CERS5: variants seen among roughly 807,000 people sequenced by gnomAD.
The protein encoded by CERS5 is ceramide synthase 5, also known as LAG1 homolog, ceramide synthase 5.
In CERS5, 37 loss-of-function variants were observed where a neutral mutation model predicts 58.9. The observed-to-expected ratio is 0.63, with a 90% CI of 0.48 to 0.83. CERS5 has a LOEUF of 0.83. CERS5 is among the 40% of genes least tolerant of loss of function. CERS5 has a pLI of 0.00. For missense variants in CERS5, 398 were observed against 489.3 expected (o/e 0.81, Z 1.76); for synonymous variants, 147 against 177.8 (o/e 0.83, Z 1.38).
Position 50,143,128 on chromosome 12 carries a change from C to T in CERS5, c.380G>A (p.Arg127His), listed in dbSNP as rs547919626. ...WNVRKIQCWF[R>H]HRRNQDKPPT... ...GGGCTTGTCCTGATTCCTCCGATGG[C>T]GAAACCAGCATTGGATTTTTCGGAC... Residue 127 changes from arginine (R) to histidine (H), a missense_variant, in exon 3 of 10, where the codon CGC (arginine) becomes CAC (histidine). By Grantham distance (29) the Arg-to-His change is conservative (BLOSUM62 0). Around this residue, in one of 3 missense-constraint regions of CERS5, gnomAD observed 328 missense variants for 384.5 expected, o/e 0.85. Transcript: ENST00000317551. 1.7e-5 allele frequency: 28 copies of T among 1,613,872 alleles called. No homozygotes were observed. The highest frequency in any genetic ancestry group is 1.7e-4 in the Middle Eastern group (1 of 6,058).
intron 1 of CERS5, among the ~76,000 whole-genome samples, chr12:50,148,931 T>A (rs200383035): frequency 1.7e-4 from 15 of 89,260 alleles, no homozygotes; most frequent in African/African-American, 4.1e-4. Context: ...AAAAAAAATA[T>A]ATATATATAT....
intron 1 of CERS5, among the ~76,000 whole-genome samples, chr12:50,150,514 T>G (rs75915854): frequency 0.012 from 1,806 of 152,090 alleles, 30 homozygotes; most frequent in African/African-American, 0.032. Flanking sequence ...GATATATATA[T>G]AGAGAGAAAG....
At chr12:50,147,266 G>C (rs866082425) in intron 1 of CERS5, 2 of 152,160 alleles carry the variant, frequency 1.3e-5, no homozygotes. Flanking sequence ...AGACAGGCGT[G>C]GTGGTGTGTG....
At chr12:50,154,579 G>T (rs1057259199) in intron 1 of CERS5, among the ~76,000 whole-genome samples, 2 of 152,118 alleles carry the variant, frequency 1.3e-5, no homozygotes, top group African/African-American at 4.8e-5. Context: ...ATATTAAAGA[G>T]ATTTGCAAAA....
At chr12:50,136,410 T>G (rs2138037148) in intron 6 of CERS5, among the ~76,000 whole-genome samples, 1 of 151,796 alleles carries the variant, frequency 6.6e-6, no homozygotes, top group Non-Finnish European at 1.5e-5. Context: ...GAGGTAGAGG[T>G]TGCAGTGAGC....
chr12:50,133,678 T>G (rs907129775), intron 9 of CERS5: 2 of 985,488 alleles, frequency 2.0e-6, no homozygotes, highest in Non-Finnish European at 2.4e-6. Context: ...TGAGGCCATC[T>G]CTTAAAAAAC....
chr12:50,159,345 A>T (rs1939018622), intron 1 of CERS5, among the ~76,000 whole-genome samples: 1 of 152,126 alleles, frequency 6.6e-6, no homozygotes, highest in African/African-American at 2.4e-5. Context: ...AATTACTCAA[A>T]ATAGAATATG....
At chr12:50,150,654 C>T (rs1937862812) in intron 1 of CERS5, among the ~76,000 whole-genome samples, 1 of 152,038 alleles carries the variant, frequency 6.6e-6, no homozygotes, top group Non-Finnish European at 1.5e-5. Context: ...ACAACATCAG[C>T]ATAAAAGGTG....
chr12:50,162,718 C>T (rs1183898196), intron 1 of CERS5, among the ~76,000 whole-genome samples: 4 of 152,018 alleles, frequency 2.6e-5, no homozygotes, highest in Admixed American at 1.3e-4. Context: ...ATTCTCCTGC[C>T]TCAGCCTCCC....
intron 1 of CERS5, among the ~76,000 whole-genome samples, chr12:50,145,277 T>G (rs1952208337): frequency 6.6e-6 from 1 of 152,180 alleles, no homozygotes; most frequent in South Asian, 2.1e-4. Context: ...TTTTGAATCT[T>G]TGAAAATTGA....
chr12:50,136,330 G>A (rs1188439945), intron 6 of CERS5, among the ~76,000 whole-genome samples: 1 of 152,046 alleles, frequency 6.6e-6, no homozygotes, highest in Non-Finnish European at 1.5e-5. Context: ...AAAATAAGCC[G>A]GGCTTGGTGG....
chr12:50,137,926 C>T, intron 5 of CERS5, 106 bp from the exon 6 acceptor site: 4 of 707,896 alleles, frequency 5.7e-6, no homozygotes. Context: ...TATTAGACAT[C>T]TCTCCTCCCC....
chr12:50,145,695 G>C (rs1195071541), intron 1 of CERS5, among the ~76,000 whole-genome samples: 1 of 151,986 alleles, frequency 6.6e-6, no homozygotes, highest in Non-Finnish European at 1.5e-5. Flanking sequence ...TCCATTCAAA[G>C]GCCAATGCCA....
intron 1 of CERS5, among the ~76,000 whole-genome samples, chr12:50,152,450 A>C (rs1407694310): frequency 6.6e-6 from 1 of 152,252 alleles, no homozygotes; most frequent in Non-Finnish European, 1.5e-5. Context: ...ATTTTTTAAA[A>C]GTATTCTGTG....
chr12:50,156,500 G>A (rs985228920), intron 1 of CERS5, among the ~76,000 whole-genome samples: 1 of 148,638 alleles, frequency 6.7e-6, no homozygotes, highest in African/African-American at 2.5e-5. Flanking sequence ...GGAGGCTGAG[G>A]TGGGAGGATT....
chr12:50,140,284 A>ATTTTTTTTTTTTTTTTTTTTTTTT (rs57651378), intron 4 of CERS5, among the ~76,000 whole-genome samples: 6 of 96,250 alleles, frequency 6.2e-5, no homozygotes, highest in African/African-American at 2.7e-4. Context: ...TAACTTCCAA[A>ATTTTTTTTTTTTTTTTTTTTTTTT]TTTTTTTTTT....
intron 2 of CERS5, 55 bp downstream of exon 2, chr12:50,143,897 C>A: frequency 1.9e-6 from 2 of 1,072,712 alleles, no homozygotes; most frequent in Middle Eastern, 2.0e-4. Flanking sequence ...TCCTCCCCTG[C>A]CCCATGGAGC....
intron 1 of CERS5, chr12:50,148,401 G>A (rs1465017132): frequency 9.7e-6 from 2 of 205,676 alleles, no homozygotes; most frequent in African/African-American, 4.8e-5. Flanking sequence ...TTCAAGACCA[G>A]GCTGGCCAAC....
rs1045495892 is a variant in CERS5 at position 50,159,156 on chromosome 12, T to C, written c.197+7945A>G. Among the ~76,000 whole-genome samples the C allele has an allele frequency of 5.9e-5, 9 of 151,970 alleles. No homozygotes were observed. The South Asian group carries it at 1.9e-3, about 32-fold the overall frequency. ...CTAACACGGTGAAACCCCATCTCTA[T>C]TAAAAATACAAAAAATTAGCCGGGT... On this transcript the variant is annotated intron_variant, in intron 1 of 9. Transcript: ENST00000317551.
Sources: allele counts gnomAD v4.1 joint callset (sites outside exome capture counted in the v4.1 genomes callset), GRCh38; gene constraint gnomAD v4.1.1; regional missense constraint gnomAD v4.1.1; transcripts MANE v1.5; gene names NCBI Gene and HGNC (gene_info 2026-07-23, HGNC 2026-07-21).